Variants in NTM observed in about 807,000 individuals in gnomAD.
NTM encodes IgLON family member 2.
Under a neutral mutation model 42.1 loss-of-function variants are expected in NTM, and 13 were observed. That is an observed-to-expected ratio of 0.31 (90% CI 0.20 to 0.49). The LOEUF is 0.49. NTM is among the 20% of genes least tolerant of loss of function. NTM has a pLI of 0.99. For missense variants in NTM, 373 were observed against 452.8 expected (o/e 0.82, Z 1.60); for synonymous variants, 187 against 179.2 (o/e 1.04, Z -0.35).
At chr11:132,151,224 C>T (rs1269540165) in intron 3 of NTM, among the ~76,000 whole-genome samples, 1 of 152,202 alleles carries the variant, frequency 6.6e-6, no homozygotes, top group Non-Finnish European at 1.5e-5. Context: ...GACAAGGTTA[C>T]ATCTTGGAAA....
Position 131,950,218 on chromosome 11 carries a change from A to T in NTM, c.167+38570A>T, listed in dbSNP as rs146740309. On this transcript the variant is annotated intron_variant, in intron 2 of 8. Transcript: ENST00000683400. ...TCATTTTTCCTTTGCCCTGCAATGT[A>T]TGGCAGGTGACCCAGAAGGGTCCCA... 6.3e-3 allele frequency among the ~76,000 whole-genome samples: 965 copies of T among 152,204 alleles called. 9 individuals carry two copies. Among genetic ancestry groups the T allele is most frequent in the African/African-American group, 0.022 (912 of 41,528 alleles).
At chr11:131,519,216 C>T (rs1432663459) in intron 1 of NTM, among the ~76,000 whole-genome samples, 1 of 152,228 alleles carries the variant, frequency 6.6e-6, no homozygotes, top group Non-Finnish European at 1.5e-5. Flanking sequence ...CCTTCCACTG[C>T]CCTCTTCTCC....
chr11:131,416,378 C>T (rs12363994), intron 1 of NTM, among the ~76,000 whole-genome samples: 3,678 of 152,292 alleles, frequency 0.024, 65 homozygotes, highest in Non-Finnish European at 0.034. Context: ...TTCACTTACA[C>T]ATTTGCTGCG....
Position 131,789,458 on chromosome 11 carries a change from AAG to A in NTM, c.83-122104_83-122103del, listed in dbSNP as rs1491307569. ...GAAGAAGAAGAAGAAGAAGAAGAAG[AAG>A]AAGAAGAAGAAGAAGAAGAAGAAGA... On this transcript the variant is annotated intron_variant, in intron 1 of 8. Transcript: ENST00000683400. 1.5e-4 allele frequency among the ~76,000 whole-genome samples: 2 copies of A among 13,384 alleles called. 1 individual carries two copies. Among genetic ancestry groups the A allele is most frequent in the Non-Finnish European group, 2.9e-4 (2 of 6,780 alleles). 8.8% of individuals were successfully genotyped at this position (13,384 alleles called of 152,430 possible). A position where few individuals can be genotyped will look rare whatever the true frequency, so the allele number is the denominator to read the frequency against.
chr11:131,506,690 A>G (rs1157136518), intron 1 of NTM, among the ~76,000 whole-genome samples: 2 of 152,202 alleles, frequency 1.3e-5, no homozygotes, highest in Non-Finnish European at 2.9e-5. Flanking sequence ...CAGAGAAGCC[A>G]CAGGAGTTTG....
At chr11:131,692,173 GGATTGACTCT>G (rs2074855838) in intron 1 of NTM, among the ~76,000 whole-genome samples, 1 of 152,154 alleles carries the variant, frequency 6.6e-6, no homozygotes, top group Admixed American at 6.5e-5. Context: ...CTTCCCTCCA[GGATTGACTCT>G]GATGCCCCTA....
chr11:131,735,663 G>A (rs1026571849), intron 1 of NTM, among the ~76,000 whole-genome samples: 3 of 152,190 alleles, frequency 2.0e-5, no homozygotes, highest in African/African-American at 7.2e-5. Context: ...ACCGCCACCT[G>A]TGTTTCCATG....
intron 2 of NTM, among the ~76,000 whole-genome samples, chr11:131,989,279 A>T: frequency 6.6e-6 from 1 of 152,200 alleles, no homozygotes; most frequent in East Asian, 1.9e-4. Flanking sequence ...TCAAAACAGC[A>T]ATTTTTAATT....
In NTM at chr11:131,657,989, G is replaced by A. The variant is rs147619572; in HGVS notation, c.83-253575G>A. On this transcript the variant is annotated intron_variant, in intron 1 of 8. Coordinates refer to ENST00000683400, the MANE Select transcript of NTM (RefSeq NM_001352005.2). Reference sequence around the variant, plus strand: ...GAAGTGAGCTCTGAAGAGACCTGAGGGGCCAGGTGGCACTTAAGCTGGGTT... The same window carrying A: ...GAAGTGAGCTCTGAAGAGACCTGAGAGGCCAGGTGGCACTTAAGCTGGGTT... Among the ~76,000 whole-genome samples the A allele has an allele frequency of 3.4e-3, 513 of 152,288 alleles. 4 individuals are homozygous for A. The highest frequency in any genetic ancestry group is 0.012 in the African/African-American group (489 of 41,554).
At chr11:132,150,480 G>A (rs2071629214) in intron 3 of NTM, among the ~76,000 whole-genome samples, 1 of 152,180 alleles carries the variant, frequency 6.6e-6, no homozygotes, top group African/African-American at 2.4e-5. Flanking sequence ...TGGATCAGCA[G>A]GTGTTAAAGC....
intron 1 of NTM, among the ~76,000 whole-genome samples, chr11:131,452,205 G>A (rs993177420): frequency 6.6e-6 from 1 of 152,210 alleles, no homozygotes; most frequent in Non-Finnish European, 1.5e-5. Context: ...AAATGGAAAG[G>A]CATTTGTTGG....
intron 3 of NTM, among the ~76,000 whole-genome samples, chr11:132,189,564 A>G (rs1298130137): frequency 6.6e-6 from 1 of 151,918 alleles, no homozygotes; most frequent in Non-Finnish European, 1.5e-5. Flanking sequence ...GCATGTTGAC[A>G]CTCTCTCTAG....
intron 1 of NTM, among the ~76,000 whole-genome samples, chr11:131,908,623 G>T (rs543386060): frequency 1.3e-5 from 2 of 152,330 alleles, no homozygotes; most frequent in South Asian, 4.2e-4. Context: ...GAGCATAAGG[G>T]ATGGTTGAAA....
intron 4 of NTM, among the ~76,000 whole-genome samples, chr11:132,220,419 G>T (rs1443300851): frequency 1.3e-5 from 2 of 152,100 alleles, no homozygotes; most frequent in African/African-American, 4.8e-5. Flanking sequence ...GTCAATAGGG[G>T]TTTTTGTAAA....
chr11:132,292,518 A>G (rs886744232), intron 4 of NTM, among the ~76,000 whole-genome samples: 3 of 152,082 alleles, frequency 2.0e-5, no homozygotes, highest in Non-Finnish European at 2.9e-5. Context: ...GAAGAAGGGG[A>G]AAAATGAACC....
intron 1 of NTM, among the ~76,000 whole-genome samples, chr11:131,400,029 G>A (rs969884807): frequency 2.6e-5 from 4 of 151,938 alleles, no homozygotes; most frequent in African/African-American, 9.7e-5. Flanking sequence ...GCTATGTATG[G>A]GGCCTGATTG....
chr11:131,768,408 G>A (rs1565523243), intron 1 of NTM, among the ~76,000 whole-genome samples: 1 of 152,168 alleles, frequency 6.6e-6, no homozygotes, highest in Admixed American at 6.5e-5. Flanking sequence ...GTGAGCCACT[G>A]TGCTTGGCTG....
intron 1 of NTM, among the ~76,000 whole-genome samples, chr11:131,857,291 C>T (rs957914457): frequency 6.6e-6 from 1 of 152,136 alleles, no homozygotes; most frequent in African/African-American, 2.4e-5. Flanking sequence ...TATACTATAC[C>T]CCTGAGCTAT....
At chr11:131,885,501 C>T (rs11605221) in intron 1 of NTM, among the ~76,000 whole-genome samples, 175 of 152,190 alleles carry the variant, frequency 1.1e-3, no homozygotes, top group Non-Finnish European at 1.6e-3. Flanking sequence ...AGATGAAAAT[C>T]CCGATGCACA....
Sources: allele counts gnomAD v4.1 joint callset (sites outside exome capture counted in the v4.1 genomes callset), GRCh38; gene constraint gnomAD v4.1.1; transcripts MANE v1.5; gene names NCBI Gene and HGNC (gene_info 2026-07-23, HGNC 2026-07-21).